PLXDC2: variants seen among roughly 807,000 people sequenced by gnomAD.
The protein encoded by PLXDC2 is plexin domain containing 2.
In PLXDC2, 40 loss-of-function variants were observed where a neutral mutation model predicts 68.9. The ratio of observed to expected loss-of-function variants is 0.58; its 90% CI spans 0.45 to 0.76. PLXDC2 has a LOEUF of 0.76. Among genes scored for constraint, PLXDC2 ranks in the 30% least tolerant of loss-of-function variants. The probability of loss-of-function intolerance (pLI) is 0.00; values close to 1 mark genes in which losing one functional copy is unlikely to be tolerated. For missense variants in PLXDC2, 644 were observed against 661.9 expected, an observed-to-expected ratio of 0.97 and a Z score of 0.30; for synonymous variants, 243 against 234.2, an observed-to-expected ratio of 1.04 and a Z score of -0.34.
chr10:19,933,190 G>T (rs573173603), intron 1 of PLXDC2, among the ~76,000 whole-genome samples: 1 of 152,082 alleles, frequency 6.6e-6, no homozygotes, highest in Non-Finnish European at 1.5e-5. Context: ...AAAATTATTC[G>T]TTATTCTTTT....
intron 1 of PLXDC2, among the ~76,000 whole-genome samples, chr10:19,834,702 G>A (rs914887974): frequency 6.6e-6 from 1 of 152,320 alleles, no homozygotes; most frequent in East Asian, 1.9e-4. Flanking sequence ...ATGCTGTTAG[G>A]TTGGGGTTGA....
chr10:20,181,264 C>G (rs1258762496), intron 9 of PLXDC2, among the ~76,000 whole-genome samples: 1 of 151,976 alleles, frequency 6.6e-6, no homozygotes, highest in African/African-American at 2.4e-5. Context: ...TTAAAGTATT[C>G]ATTCACTCAT....
rs1156689718 is a variant in PLXDC2, at chr10:20,286,240, T to G, written c.*6421T>G. On this transcript the variant is annotated 3_prime_UTR_variant, in exon 14 of 14. Coordinates refer to ENST00000377252, the MANE Select transcript of PLXDC2 (RefSeq NM_032812.9). Reference sequence around the variant, plus strand: ...TGACACTGAAAGATTCTGTGTTACTTTAAACCCAGGATAAAAGGCTGGAAA... The same window carrying G: ...TGACACTGAAAGATTCTGTGTTACTGTAAACCCAGGATAAAAGGCTGGAAA... 2.0e-5 allele frequency: 3 copies of G among 152,180 alleles called. No individual in the cohort carries two copies. The highest frequency in any genetic ancestry group is 4.4e-5 in the Non-Finnish European group (3 of 68,032). 9.4% of individuals were successfully genotyped at this position (152,180 alleles called of 1,614,324 possible). A position where few individuals can be genotyped will look rare whatever the true frequency, so the allele number is the denominator to read the frequency against.
At chr10:20,255,842 T>C (rs975357972) in intron 13 of PLXDC2, among the ~76,000 whole-genome samples, 1 of 152,234 alleles carries the variant, frequency 6.6e-6, no homozygotes. Context: ...ATTTTTAGTT[T>C]GAAAATGGAT....
chr10:20,001,498 T>C (rs1834936910), intron 1 of PLXDC2, among the ~76,000 whole-genome samples: 1 of 151,888 alleles, frequency 6.6e-6, no homozygotes, highest in South Asian at 2.1e-4. Flanking sequence ...GGGAAGGGAA[T>C]AAAAATGCAT....
chr10:20,091,913 C>G (rs568680340), intron 4 of PLXDC2: 1 of 152,404 alleles, frequency 6.6e-6, no homozygotes, highest in South Asian at 2.1e-4. Context: ...CCTCCACACC[C>G]TTTGATGGCG....
chr10:19,954,522 A>G (rs994650302), intron 1 of PLXDC2, among the ~76,000 whole-genome samples: 9 of 152,224 alleles, frequency 5.9e-5, no homozygotes, highest in African/African-American at 2.2e-4. Flanking sequence ...TATTGTCTAT[A>G]TAGGACTTAG....
chr10:20,153,595 C>T (rs1479226496), intron 6 of PLXDC2, among the ~76,000 whole-genome samples: 1 of 152,106 alleles, frequency 6.6e-6, no homozygotes, highest in African/African-American at 2.4e-5. Flanking sequence ...ACAATAACCT[C>T]CAAAGTTGAT....
At chr10:19,913,895 C>T (rs535309456) in intron 1 of PLXDC2, among the ~76,000 whole-genome samples, 9 of 152,030 alleles carry the variant, frequency 5.9e-5, no homozygotes, top group African/African-American at 2.4e-5. Context: ...TAGTTCTACC[C>T]GAATCATCAG....
At chr10:19,911,866 A>G (rs963884929) in intron 1 of PLXDC2, among the ~76,000 whole-genome samples, 1 of 152,184 alleles carries the variant, frequency 6.6e-6, no homozygotes, top group Non-Finnish European at 1.5e-5. Context: ...GCAAATATGG[A>G]TAGTGAATAG....
chr10:20,052,990 C>T (rs193089192), intron 3 of PLXDC2, among the ~76,000 whole-genome samples: 16 of 152,066 alleles, frequency 1.1e-4, no homozygotes, highest in African/African-American at 7.2e-5. Flanking sequence ...TAAATGTGGT[C>T]CAAACACTAT....
At chr10:20,216,180 G>A (rs1408586777) in intron 10 of PLXDC2, among the ~76,000 whole-genome samples, 2 of 152,090 alleles carry the variant, frequency 1.3e-5, no homozygotes, top group Non-Finnish European at 2.9e-5. Flanking sequence ...AGTAATGGGG[G>A]AAAAAGAAAC....
At chr10:19,905,257 G>A (rs1387517364) in intron 1 of PLXDC2, among the ~76,000 whole-genome samples, 8 of 152,210 alleles carry the variant, frequency 5.3e-5, no homozygotes, top group Non-Finnish European at 1.2e-4. Flanking sequence ...CCATAGCCAT[G>A]AATCCAAAAC....
chr10:20,133,875 T>C (rs1294122491), intron 4 of PLXDC2, among the ~76,000 whole-genome samples: 2 of 152,212 alleles, frequency 1.3e-5, no homozygotes, highest in Non-Finnish European at 2.9e-5. Flanking sequence ...ATAATTCCTG[T>C]AGGCTTTCTT....
intron 4 of PLXDC2, among the ~76,000 whole-genome samples, chr10:20,128,225 G>C (rs762685183): frequency 6.6e-6 from 1 of 152,186 alleles, no homozygotes; most frequent in Non-Finnish European, 1.5e-5. Context: ...TTTGGCTGCA[G>C]CATGTGACTC....
At chr10:20,226,309 C>A (rs1257426086) in intron 12 of PLXDC2, among the ~76,000 whole-genome samples, 4 of 152,188 alleles carry the variant, frequency 2.6e-5, no homozygotes, top group African/African-American at 9.6e-5. Flanking sequence ...TTGTCCAACC[C>A]TCAGCAGCTA....
At chr10:20,249,487 A>C (rs189734441) in intron 13 of PLXDC2, among the ~76,000 whole-genome samples, 13 of 152,244 alleles carry the variant, frequency 8.5e-5, no homozygotes, top group Non-Finnish European at 1.9e-4. Flanking sequence ...TTCAGCTTCC[A>C]CATGCCGCAT....
At chr10:20,190,518 G>C (rs1834750313) in intron 9 of PLXDC2, among the ~76,000 whole-genome samples, 2 of 151,658 alleles carry the variant, frequency 1.3e-5, no homozygotes, top group South Asian at 4.1e-4. Flanking sequence ...AATGGGTGTA[G>C]CACACCAACA....
At chr10:20,104,120 C>T (rs185991458) in intron 4 of PLXDC2, among the ~76,000 whole-genome samples, 4 of 152,196 alleles carry the variant, frequency 2.6e-5, no homozygotes, top group African/African-American at 9.6e-5. Flanking sequence ...GAAGTCTGAA[C>T]ATAGGTGGTA....
Sources: allele counts gnomAD v4.1 joint callset (sites outside exome capture counted in the v4.1 genomes callset), GRCh38; gene constraint gnomAD v4.1.1; transcripts MANE v1.5; gene names NCBI Gene and HGNC (gene_info 2026-07-23, HGNC 2026-07-21).